The following SH3BGR variants were observed in gnomAD, a reference collection of about 807,000 sequenced individuals.
SH3BGR encodes the protein SH3 domain-binding glutamic acid-rich protein.
Under a neutral mutation model 24.5 loss-of-function variants are expected in SH3BGR, and 29 were observed. The ratio of observed to expected loss-of-function variants is 1.18; its 90% CI spans 0.88 to 1.61. SH3BGR has a LOEUF of 1.61. Among genes scored for constraint, SH3BGR ranks in the 40% most tolerant of loss-of-function variants. The pLI, the probability that SH3BGR is intolerant of heterozygous loss-of-function variation, is 0.00. For synonymous variants in SH3BGR, 55 were observed against 65.7 expected, an observed-to-expected ratio of 0.84 and a Z score of 0.79; for missense variants, 162 against 205.8, an observed-to-expected ratio of 0.79 and a Z score of 1.30.
chr21:39,478,485 C>T (rs190040291), intron 3 of SH3BGR, among the ~76,000 whole-genome samples: 96 of 152,264 alleles, frequency 6.3e-4, no homozygotes, highest in African/African-American at 2.1e-3. Flanking sequence ...TGAAGTTGTA[C>T]GATGAGGTAG....
At chr21:39,447,680 A>G (rs776405502), upstream of SH3BGR, among the ~76,000 whole-genome samples, 5 of 151,860 alleles carry the variant, frequency 3.3e-5, no homozygotes, top group Non-Finnish European at 2.9e-5. Context: ...CGGCCTCCCA[A>G]AATGTTGGGA....
At chr21:39,469,419 G>A (rs1355495340) in intron 2 of SH3BGR, among the ~76,000 whole-genome samples, 2 of 150,594 alleles carry the variant, frequency 1.3e-5, no homozygotes, top group Non-Finnish European at 3.0e-5. Context: ...TATCTTTATA[G>A]CTAATTTTTC....
At chr21:39,484,292 C>A (rs1044865645) in intron 3 of SH3BGR, among the ~76,000 whole-genome samples, 1 of 152,104 alleles carries the variant, frequency 6.6e-6, no homozygotes, top group African/African-American at 2.4e-5. Flanking sequence ...GCTCATAACT[C>A]GTAGTAGGTG....
chr21:39,503,094 T>C (rs758558631), intron 4 of SH3BGR, among the ~76,000 whole-genome samples: 71 of 151,500 alleles, frequency 4.7e-4, no homozygotes, highest in Non-Finnish European at 9.0e-4. Flanking sequence ...CCAGAACAAA[T>C]AGGTCGCCTG....
At chr21:39,448,639 A>C (rs1355527069), upstream of SH3BGR, among the ~76,000 whole-genome samples, 1 of 152,184 alleles carries the variant, frequency 6.6e-6, no homozygotes, top group African/African-American at 2.4e-5. Flanking sequence ...AGCTGAGATC[A>C]AGCCACTGCA....
At chr21:39,456,486 G>T (rs1344048184) in intron 1 of SH3BGR, among the ~76,000 whole-genome samples, 2 of 152,226 alleles carry the variant, frequency 1.3e-5, no homozygotes, top group Non-Finnish European at 2.9e-5. Context: ...CTGTCATCAG[G>T]TCTGATGGGA....
At chr21:39,491,987 T>G (rs1361238819) in intron 3 of SH3BGR, 2 of 152,480 alleles carry the variant, frequency 1.3e-5, no homozygotes, top group Admixed American at 1.3e-4. Flanking sequence ...GAATGTGTTT[T>G]AGACTTCCTT....
intron 4 of SH3BGR, among the ~76,000 whole-genome samples, chr21:39,502,876 C>T (rs1204971888): frequency 7.9e-5 from 12 of 152,186 alleles, no homozygotes; most frequent in African/African-American, 1.4e-4. Flanking sequence ...AATGCCCCAG[C>T]GGTCCCTGGC....
At chr21:39,478,763 CCTTAT>C (rs2078068981) in intron 3 of SH3BGR, among the ~76,000 whole-genome samples, 1 of 151,684 alleles carries the variant, frequency 6.6e-6, no homozygotes, top group Non-Finnish European at 1.5e-5. Flanking sequence ...TAATTTTCTA[CCTTAT>C]CTTCCCTCTA....
chr21:39,503,941 G>T (rs1416582492), intron 4 of SH3BGR, among the ~76,000 whole-genome samples: 1 of 152,152 alleles, frequency 6.6e-6, no homozygotes, highest in East Asian at 1.9e-4. Flanking sequence ...AGGGTGAGGG[G>T]CTAAGGAACC....
intron 1 of SH3BGR, among the ~76,000 whole-genome samples, chr21:39,453,980 G>A (rs962381802): frequency 6.6e-6 from 1 of 152,134 alleles, no homozygotes; most frequent in African/African-American, 2.4e-5. Flanking sequence ...ATATTAATTA[G>A]GATTTCAGTT....
At chr21:39,488,731 G>T in intron 3 of SH3BGR, 1 of 457,564 alleles carries the variant, frequency 2.2e-6, no homozygotes, top group South Asian at 1.8e-5. Flanking sequence ...AGAGATGCTG[G>T]CGGCCGGGCA....
intron 5 of SH3BGR, among the ~76,000 whole-genome samples, chr21:39,510,937 A>ATATG (rs2078679714): frequency 7.0e-6 from 1 of 143,442 alleles, no homozygotes; most frequent in East Asian, 2.1e-4. Context: ...ATATATATAT[A>ATATG]TATATATATA....
At chr21:39,469,587 A>G (rs577954448) in intron 2 of SH3BGR, among the ~76,000 whole-genome samples, 1 of 151,260 alleles carries the variant, frequency 6.6e-6, no homozygotes, top group African/African-American at 2.4e-5. Flanking sequence ...TTTCTCACTG[A>G]GTACTGTCAG....
At chr21:39,501,895 C>T (rs568327437) in intron 4 of SH3BGR, among the ~76,000 whole-genome samples, 14 of 152,304 alleles carry the variant, frequency 9.2e-5, no homozygotes, top group African/African-American at 1.9e-4. Flanking sequence ...GAGATGGGGC[C>T]GGGCGCATGG....
chr21:39,462,852 A>G (rs1304005927), intron 2 of SH3BGR, among the ~76,000 whole-genome samples: 1 of 152,258 alleles, frequency 6.6e-6, no homozygotes, highest in Non-Finnish European at 1.5e-5. Flanking sequence ...ACATTTAGCT[A>G]GGAATTCTGT....
At chr21:39,463,465 C>T (rs1287493858) in intron 2 of SH3BGR, among the ~76,000 whole-genome samples, 1 of 152,180 alleles carries the variant, frequency 6.6e-6, no homozygotes, top group Non-Finnish European at 1.5e-5. Context: ...TCTAAGCCAT[C>T]TAGGGTTTTT....
chr21:39,512,792 CAAAACA>C (rs919398357), intron 6 of SH3BGR, among the ~76,000 whole-genome samples: 28 of 151,534 alleles, frequency 1.8e-4, no homozygotes, highest in Admixed American at 5.3e-4. Context: ...ACTCTGTCTC[CAAAACA>C]AAAACAAAAA....
intron 4 of SH3BGR, among the ~76,000 whole-genome samples, chr21:39,507,450 C>A (rs1367263715): frequency 2.0e-5 from 3 of 152,192 alleles, no homozygotes; most frequent in Non-Finnish European, 4.4e-5. Flanking sequence ...TCTCCTGCCT[C>A]AGCCTCCCAA....
Sources: allele counts gnomAD v4.1 joint callset (sites outside exome capture counted in the v4.1 genomes callset), GRCh38; gene constraint gnomAD v4.1.1; transcripts MANE v1.5; gene names NCBI Gene and HGNC (gene_info 2026-07-23, HGNC 2026-07-21).